The following GSK3B variants were observed in gnomAD, a reference collection of about 807,000 sequenced individuals.
GSK3B encodes the protein glycogen synthase kinase 3 beta, also known as glycogen synthase kinase-3 beta.
In GSK3B, 15 loss-of-function variants were observed where a neutral mutation model predicts 56.4. The observed-to-expected ratio is 0.27, with a 90% CI of 0.18 to 0.41. The LOEUF (loss-of-function observed/expected upper bound fraction) is 0.41. Ranked by LOEUF, GSK3B falls within the 10% of genes least tolerant of loss-of-function variation. The pLI, the probability that GSK3B is intolerant of heterozygous loss-of-function variation, is 1.00. For missense variants in GSK3B, 300 were observed against 513.4 expected (o/e 0.58, Z 4.02); for synonymous variants, 181 against 188.9 (o/e 0.96, Z 0.34).
chr3:119,872,810 A>G (rs1452483022), intron 8 of GSK3B, among the ~76,000 whole-genome samples: 1 of 152,150 alleles, frequency 6.6e-6, no homozygotes, highest in Admixed American at 6.6e-5. Context: ...TACAAAAGAA[A>G]AAAGCTGAGG....
intron 2 of GSK3B, among the ~76,000 whole-genome samples, chr3:119,988,018 A>G (rs1029765830): frequency 6.6e-6 from 1 of 152,204 alleles, no homozygotes; most frequent in Non-Finnish European, 1.5e-5. Flanking sequence ...TGTCATCCAT[A>G]AACAATTGTT....
intron 1 of GSK3B, among the ~76,000 whole-genome samples, chr3:120,059,453 G>A (rs1454733973): frequency 6.6e-6 from 1 of 152,158 alleles, no homozygotes; most frequent in East Asian, 1.9e-4. Flanking sequence ...AAGTCTAAAA[G>A]CCTTCACACA....
At chr3:119,998,664 T>C (rs970971995) in intron 2 of GSK3B, among the ~76,000 whole-genome samples, 1 of 152,114 alleles carries the variant, frequency 6.6e-6, no homozygotes, top group African/African-American at 2.4e-5. Context: ...ATTAAAATAA[T>C]TTTTCAGGGC....
intron 2 of GSK3B, among the ~76,000 whole-genome samples, chr3:119,983,674 T>C (rs1018036173): frequency 6.6e-5 from 10 of 152,190 alleles, no homozygotes; most frequent in East Asian, 1.9e-4. Context: ...TAAAGATATA[T>C]GCACCCAATA....
intron 7 of GSK3B, among the ~76,000 whole-genome samples, chr3:119,887,621 A>C (rs1363353238): frequency 6.6e-6 from 1 of 152,100 alleles, no homozygotes; most frequent in Non-Finnish European, 1.5e-5. Flanking sequence ...AAAAACATGT[A>C]CACATGTGAC....
chr3:120,023,239 A>G (rs2057894354), intron 1 of GSK3B, among the ~76,000 whole-genome samples: 1 of 151,808 alleles, frequency 6.6e-6, no homozygotes, highest in Non-Finnish European at 1.5e-5. Context: ...GGAAACTTTA[A>G]AAGGGTTTGA....
At chr3:119,835,636 A>G in intron 10 of GSK3B, among the ~76,000 whole-genome samples, 1 of 152,212 alleles carries the variant, frequency 6.6e-6, no homozygotes, top group East Asian at 1.9e-4. Context: ...ATAACTATAC[A>G]CTATATGTTC....
At chr3:120,002,001 T>C (rs2057681889) in intron 2 of GSK3B, 45 bp downstream of exon 2, 3 of 1,197,770 alleles carry the variant, frequency 2.5e-6, no homozygotes, top group Non-Finnish European at 3.4e-6. Context: ...TTATGGTATA[T>C]GTATTACGAC....
Position 120,093,835 on chromosome 3 carries a change from A to G in GSK3B, c.-401T>C. The G allele has an allele frequency of 5.0e-6, 1 of 198,060 alleles. No homozygotes were observed. Among genetic ancestry groups the G allele is most frequent in the East Asian group, 8.0e-5 (1 of 12,490 alleles). 12.3% of individuals were successfully genotyped at this position (198,060 alleles called of 1,614,324 possible). ...CCTCGGGGATTTTTTTTCCGAGTCAATGAAGAAGGGAAGCGGCGGAAGGAT... is the reference window on the plus strand; with the variant it reads ...CCTCGGGGATTTTTTTTCCGAGTCAGTGAAGAAGGGAAGCGGCGGAAGGAT... On this transcript the variant is annotated 5_prime_UTR_variant, in exon 1 of 11. Coordinates refer to ENST00000264235, the MANE Select transcript of GSK3B (RefSeq NM_001146156.2).
At position 119,858,650 on chromosome 3, in the gene GSK3B, T is replaced by C. The variant is rs371338468; in HGVS notation, c.1096+4769A>G. On this transcript the variant is annotated intron_variant, in intron 9 of 10. Transcript: ENST00000264235. ...CACTTTAAATTTCCTTTGACAACTTTTTCTTTGCATTCACAACTTGGCAAA... is the reference window on the plus strand; with the variant it reads ...CACTTTAAATTTCCTTTGACAACTTCTTCTTTGCATTCACAACTTGGCAAA... Among the ~76,000 whole-genome samples the C allele has an allele frequency of 3.9e-5, 6 of 152,334 alleles. No homozygotes were observed. The East Asian group carries it at 9.6e-4, about 24-fold the overall frequency.
At chr3:119,838,733 A>T (rs1312353425) in intron 10 of GSK3B, among the ~76,000 whole-genome samples, 1 of 152,124 alleles carries the variant, frequency 6.6e-6, no homozygotes. Context: ...ATATATTAAT[A>T]CATACTGTTT....
intron 1 of GSK3B, among the ~76,000 whole-genome samples, chr3:120,026,009 A>C (rs2057919813): frequency 6.6e-6 from 1 of 152,194 alleles, no homozygotes; most frequent in African/African-American, 2.4e-5. Flanking sequence ...AGAGGATAAA[A>C]TGTCAAATAC....
chr3:119,934,623 C>T (rs1258858247), intron 3 of GSK3B, among the ~76,000 whole-genome samples: 1 of 152,040 alleles, frequency 6.6e-6, no homozygotes. Flanking sequence ...AGACAAAAAC[C>T]AAGGACATCT....
At chr3:120,010,789 C>T (rs1034652173) in intron 1 of GSK3B, among the ~76,000 whole-genome samples, 1 of 150,950 alleles carries the variant, frequency 6.6e-6, no homozygotes, top group African/African-American at 2.5e-5. Flanking sequence ...AATAAATGGC[C>T]AGGCATGGTA....
At chr3:119,979,072 A>G (rs1056792324) in intron 2 of GSK3B, among the ~76,000 whole-genome samples, 3 of 152,140 alleles carry the variant, frequency 2.0e-5, no homozygotes, top group Admixed American at 2.0e-4. Flanking sequence ...ACCTCGCCAA[A>G]GTTGGCTTAA....
At chr3:119,927,285 T>G (rs186098211) in intron 3 of GSK3B, among the ~76,000 whole-genome samples, 435 of 152,306 alleles carry the variant, frequency 2.9e-3, no homozygotes, top group African/African-American at 0.01. Flanking sequence ...ATGTCTGTTT[T>G]AACTCAAACA....
chr3:119,881,625 A>G (rs1357374188), intron 7 of GSK3B, among the ~76,000 whole-genome samples: 1 of 152,224 alleles, frequency 6.6e-6, no homozygotes, highest in African/African-American at 2.4e-5. Flanking sequence ...TAGTAAATGT[A>G]TCCATTTACT....
At chr3:120,052,035 GA>G (rs1348567986) in intron 1 of GSK3B, among the ~76,000 whole-genome samples, 2 of 152,112 alleles carry the variant, frequency 1.3e-5, no homozygotes, top group African/African-American at 4.8e-5. Flanking sequence ...TTCACAGAAG[GA>G]AAGAGTTCAC....
At chr3:119,949,592 C>G (rs1211929995) in intron 2 of GSK3B, among the ~76,000 whole-genome samples, 1 of 151,964 alleles carries the variant, frequency 6.6e-6, no homozygotes, top group African/African-American at 2.4e-5. Context: ...GGCACAAGAT[C>G]ATATAAACCT....
Sources: gnomAD v4.1 joint callset for allele counts (sites outside exome capture counted in the v4.1 genomes callset) on GRCh38, gnomAD v4.1.1 for gene constraint, MANE v1.5 for transcripts, NCBI Gene and HGNC (gene_info 2026-07-23, HGNC 2026-07-21) for gene names.